Variants in FGF14 observed in about 807,000 individuals in gnomAD.
The protein encoded by FGF14 is fibroblast growth factor 14, also known as fibroblast growth factor homologous factor 4.
In FGF14, 5 loss-of-function variants were observed where a neutral mutation model predicts 25.5. The ratio of observed to expected loss-of-function variants is 0.20; its 90% confidence interval spans 0.10 to 0.41. FGF14 has a LOEUF of 0.41. Ranked by LOEUF, FGF14 falls within the 10% of genes least tolerant of loss-of-function variation. The probability of loss-of-function intolerance (pLI) is 1.00; values close to 1 mark genes in which losing one functional copy is unlikely to be tolerated. For missense variants in FGF14, 222 were observed against 320.1 expected (o/e 0.69, Z 2.34); for synonymous variants, 138 against 118.3 (o/e 1.17, Z -1.08).
At chr13:101,750,260 C>G (rs978997055) in intron 3 of FGF14, among the ~76,000 whole-genome samples, 3 of 152,034 alleles carry the variant, frequency 2.0e-5, no homozygotes, top group Non-Finnish European at 2.9e-5. Flanking sequence ...CTTACTCTGG[C>G]TTGTGCAACA....
chr13:102,297,063 G>A (rs966176661), intron 1 of FGF14, among the ~76,000 whole-genome samples: 1 of 152,090 alleles, frequency 6.6e-6, no homozygotes, highest in South Asian at 2.1e-4. Flanking sequence ...TCAGACAGGT[G>A]CTCAAAGTCA....
chr13:102,356,204 C>CTT (rs1471590713), intron 1 of FGF14, among the ~76,000 whole-genome samples: 2 of 152,206 alleles, frequency 1.3e-5, no homozygotes, highest in African/African-American at 4.8e-5. Flanking sequence ...GCACTTAAAA[C>CTT]ATCTCAGCTG....
At chr13:101,818,784 A>G (rs1413045712) in intron 3 of FGF14, among the ~76,000 whole-genome samples, 1 of 152,236 alleles carries the variant, frequency 6.6e-6, no homozygotes, top group Non-Finnish European at 1.5e-5. Context: ...TCACCAAAGG[A>G]AGCAGAACGT....
chr13:101,892,643 G>GAAC (rs1366581847), intron 1 of FGF14, among the ~76,000 whole-genome samples: 2 of 152,122 alleles, frequency 1.3e-5, no homozygotes, highest in African/African-American at 4.8e-5. Context: ...AAATCTCCAG[G>GAAC]AACAAAATCT....
At chr13:102,186,768 C>T (rs2048893209) in intron 1 of FGF14, among the ~76,000 whole-genome samples, 1 of 152,182 alleles carries the variant, frequency 6.6e-6, no homozygotes, top group Non-Finnish European at 1.5e-5. Context: ...ACAGGAAACA[C>T]ATGCACACGT....
At chr13:102,012,605 G>T (rs2040139053) in intron 1 of FGF14, among the ~76,000 whole-genome samples, 1 of 152,166 alleles carries the variant, frequency 6.6e-6, no homozygotes, top group African/African-American at 2.4e-5. Context: ...ATTTCTGTTT[G>T]CAGTGAAATG....
At chr13:102,110,780 T>C (rs1484790594) in intron 1 of FGF14, among the ~76,000 whole-genome samples, 2 of 152,128 alleles carry the variant, frequency 1.3e-5, no homozygotes, top group Non-Finnish European at 2.9e-5. Flanking sequence ...CCCCTCCATC[T>C]TCTTCATTTA....
upstream of FGF14, among the ~76,000 whole-genome samples, chr13:101,921,508 C>A (rs1036239905): frequency 3.3e-5 from 5 of 152,170 alleles, no homozygotes; most frequent in Non-Finnish European, 7.4e-5. Flanking sequence ...CTCTAATACC[C>A]CGTATATATT....
chr13:102,069,317 C>G (rs2043051428), intron 1 of FGF14, among the ~76,000 whole-genome samples: 1 of 152,082 alleles, frequency 6.6e-6, no homozygotes, highest in African/African-American at 2.4e-5. Context: ...ATTGTAAACG[C>G]ACCAATCAGC....
intron 1 of FGF14, among the ~76,000 whole-genome samples, chr13:102,333,518 T>C (rs2056696399): frequency 6.6e-6 from 1 of 152,056 alleles, no homozygotes; most frequent in Admixed American, 6.6e-5. Flanking sequence ...GTCAAAACCA[T>C]GGATGTTACG....
intron 1 of FGF14, among the ~76,000 whole-genome samples, chr13:101,966,409 TG>T (rs761328226): frequency 6.6e-6 from 1 of 152,208 alleles, no homozygotes; most frequent in Non-Finnish European, 1.5e-5. Context: ...GGAGGGAGCA[TG>T]GTTCTGCAGA....
At position 102,093,070 on chromosome 13, in the gene FGF14, C is replaced by T. The variant is rs181669191; in HGVS notation, c.209-217774G>A. Among the ~76,000 whole-genome samples, 490 of 152,152 alleles carry T rather than the reference C, an allele frequency of 3.2e-3. 4 individuals carry two copies. Among genetic ancestry groups the T allele is most frequent in the Non-Finnish European group, 5.8e-3 (391 of 67,986 alleles). ...ATATACAGACAACCCTTGAACAACA[C>T]GGTTTGAACTGTACACATCTATTTC... On this transcript the variant is annotated intron_variant, in intron 1 of 4. Coordinates refer to the FGF14 transcript ENST00000376131.
At chr13:101,809,867 A>G (rs1265520391) in intron 3 of FGF14, among the ~76,000 whole-genome samples, 1 of 152,108 alleles carries the variant, frequency 6.6e-6, no homozygotes, top group African/African-American at 2.4e-5. Flanking sequence ...TTTCCATTAT[A>G]ATTCACATCT....
chr13:102,136,568 C>G (rs997607768), intron 1 of FGF14, among the ~76,000 whole-genome samples: 42 of 151,214 alleles, frequency 2.8e-4, no homozygotes, highest in African/African-American at 1.0e-3. Flanking sequence ...ATAGCAACCA[C>G]AATGATCCTC....
intron 1 of FGF14, among the ~76,000 whole-genome samples, chr13:102,290,929 A>T (rs981653105): frequency 6.6e-6 from 1 of 152,214 alleles, no homozygotes. Context: ...CTGTGGATCT[A>T]TGCAAACCTA....
At chr13:101,772,042 G>A (rs960472413) in intron 3 of FGF14, among the ~76,000 whole-genome samples, 1 of 151,966 alleles carries the variant, frequency 6.6e-6, no homozygotes, top group Non-Finnish European at 1.5e-5. Context: ...GGAAAGAAAA[G>A]GCATTGTTGA....
chr13:101,981,204 C>T (rs1449583419), intron 1 of FGF14, among the ~76,000 whole-genome samples: 1 of 151,614 alleles, frequency 6.6e-6, no homozygotes, highest in Non-Finnish European at 1.5e-5. Flanking sequence ...CCCTTGAGCC[C>T]GGGAGGCAGA....
intron 1 of FGF14, among the ~76,000 whole-genome samples, chr13:101,879,442 A>G (rs2045576425): frequency 6.6e-6 from 1 of 152,210 alleles, no homozygotes; most frequent in African/African-American, 2.4e-5. Context: ...GATTCAGGGG[A>G]AAAATACACA....
chr13:101,734,252 A>G (rs982870421), intron 3 of FGF14, among the ~76,000 whole-genome samples: 3 of 152,222 alleles, frequency 2.0e-5, no homozygotes, highest in Non-Finnish European at 2.9e-5. Flanking sequence ...AAATCAATTA[A>G]TGATCACATT....
Sources: gnomAD v4.1 joint callset for allele counts (sites outside exome capture counted in the v4.1 genomes callset) on GRCh38, gnomAD v4.1.1 for gene constraint, MANE v1.5 for transcripts, NCBI Gene and HGNC (gene_info 2026-07-23, HGNC 2026-07-21) for gene names.